Variants in FHIT observed in about 807,000 individuals in gnomAD.
The protein encoded by FHIT is fragile histidine triad diadenosine triphosphatase.
Under a neutral mutation model 17.9 loss-of-function variants are expected in FHIT, and 19 were observed. That is an observed-to-expected ratio of 1.06 (90% confidence interval 0.74 to 1.56). The LOEUF (loss-of-function observed/expected upper bound fraction) is 1.56. Among genes scored for constraint, FHIT ranks in the 40% most tolerant of loss-of-function variants. The pLI is 0.00. For missense variants in FHIT, 248 were observed against 189.2 expected (o/e 1.31, Z -1.82); for synonymous variants, 81 against 69.7 (o/e 1.16, Z -0.81).
intron 5 of FHIT, among the ~76,000 whole-genome samples, chr3:60,098,970 C>A (rs907682424): frequency 6.6e-6 from 1 of 152,068 alleles, no homozygotes; most frequent in Non-Finnish European, 1.5e-5. Flanking sequence ...TTACACTTGT[C>A]CTAACTTCTA....
Position 59,922,342 on chromosome 3 carries a change from C to T in FHIT, c.348+4G>A, listed in dbSNP as rs1362414772. On this transcript the variant is annotated splice_donor_region_variant and intron_variant, in intron 8 of 9. Coordinates refer to ENST00000492590, the MANE Select transcript of FHIT (RefSeq NM_002012.4). ...AACAATAAGATCAGAGAGAACAGAC[C>T]CACCTCCTCATAGATGCTGTCATTC... The T allele has an allele frequency of 6.2e-7, 1 of 1,612,126 alleles. No homozygotes were observed. Among genetic ancestry groups the T allele is most frequent in the South Asian group, 1.1e-5 (1 of 90,980 alleles).
intron 4 of FHIT, among the ~76,000 whole-genome samples, chr3:60,703,904 A>G (rs782381952): frequency 9.9e-5 from 15 of 152,114 alleles, no homozygotes; most frequent in Non-Finnish European, 2.1e-4. Flanking sequence ...TATTTTGCCT[A>G]TGGGAATAAT....
chr3:61,037,928 G>A (rs954714161), intron 3 of FHIT, among the ~76,000 whole-genome samples: 8 of 152,168 alleles, frequency 5.3e-5, no homozygotes, highest in African/African-American at 9.7e-5. Context: ...AAATTATTGC[G>A]TAGGACAAAT....
At chr3:60,560,626 C>A (rs2036902543) in intron 4 of FHIT, among the ~76,000 whole-genome samples, 1 of 152,072 alleles carries the variant, frequency 6.6e-6, no homozygotes, top group Non-Finnish European at 1.5e-5. Context: ...AAGAACCAGG[C>A]AGGCCTTATC....
chr3:60,722,783 C>G lies in FHIT; in HGVS notation c.-18+99136G>C, dbSNP rs540709407. Among the ~76,000 whole-genome samples the G allele has an allele frequency of 1.1e-4, 16 of 142,284 alleles. No homozygotes were observed. The South Asian group carries it at 1.8e-3, about 16-fold the overall frequency. 93.3% of individuals were successfully genotyped at this position (142,284 alleles called of 152,430 possible). A position where few individuals can be genotyped will look rare whatever the true frequency, so the allele number is the denominator to read the frequency against. On this transcript the variant is annotated intron_variant, in intron 4 of 9. Transcript: ENST00000492590. ...GCTGGAATGCAGTGGAATGCAGTGG[C>G]GCGATCTCGGCTCATTGCCACCTCT...
intron 5 of FHIT, among the ~76,000 whole-genome samples, chr3:60,016,991 T>C (rs1431596590): frequency 6.6e-6 from 1 of 152,184 alleles, no homozygotes; most frequent in African/African-American, 2.4e-5. Context: ...AATTAGAAAC[T>C]TGCCACACCA....
intron 4 of FHIT, among the ~76,000 whole-genome samples, chr3:60,596,798 C>G (rs189221049): frequency 6.6e-6 from 1 of 152,082 alleles, no homozygotes; most frequent in African/African-American, 2.4e-5. Flanking sequence ...CATAATACAA[C>G]GCCTAGCATG....
intron 1 of FHIT, among the ~76,000 whole-genome samples, chr3:61,222,054 C>T (rs768939702): frequency 5.9e-5 from 9 of 152,222 alleles, no homozygotes; most frequent in Non-Finnish European, 1.2e-4. Context: ...GGCCCAGCAA[C>T]GTCACTGCGG....
chr3:60,236,838 A>C, intron 5 of FHIT, among the ~76,000 whole-genome samples: 1 of 152,174 alleles, frequency 6.6e-6, no homozygotes, highest in East Asian at 1.9e-4. Context: ...CTTTATTATC[A>C]GTTTCAGATC....
chr3:59,847,589 C>G (rs1292145056), intron 8 of FHIT, among the ~76,000 whole-genome samples: 1 of 152,070 alleles, frequency 6.6e-6, no homozygotes, highest in Non-Finnish European at 1.5e-5. Context: ...AGCTCAGTGT[C>G]CATTGGTTTA....
intron 4 of FHIT, among the ~76,000 whole-genome samples, chr3:60,734,334 A>G (rs1308758380): frequency 2.0e-5 from 3 of 152,192 alleles, no homozygotes; most frequent in African/African-American, 7.2e-5. Context: ...TACACATACA[A>G]TTTATTATTC....
intron 5 of FHIT, among the ~76,000 whole-genome samples, chr3:60,147,002 T>A (rs1468387629): frequency 6.6e-6 from 1 of 152,110 alleles, no homozygotes; most frequent in Non-Finnish European, 1.5e-5. Context: ...AAATCGTACA[T>A]CTCCATTTTG....
intron 3 of FHIT, among the ~76,000 whole-genome samples, chr3:60,860,584 G>GTACATATA (rs1212076435): frequency 1.4e-5 from 1 of 69,906 alleles, no homozygotes; most frequent in African/African-American, 5.8e-5. Context: ...TGATACATAT[G>GTACATATA]TATCATATAT....
At chr3:60,531,513 C>T (rs936937148) in intron 5 of FHIT, among the ~76,000 whole-genome samples, 1 of 151,946 alleles carries the variant, frequency 6.6e-6, no homozygotes, top group Admixed American at 6.6e-5. Flanking sequence ...CTCCTGACCT[C>T]GTGATCCGCC....
At chr3:61,147,891 G>T (rs1165832956) in intron 2 of FHIT, among the ~76,000 whole-genome samples, 1 of 151,734 alleles carries the variant, frequency 6.6e-6, no homozygotes, top group Non-Finnish European at 1.5e-5. Context: ...TTATCATTTG[G>T]CCAGTATATT....
In FHIT at chr3:59,758,528, T is replaced by C. The variant is rs556901531; in HGVS notation, c.349-6207A>G. Among the ~76,000 whole-genome samples the C allele has an allele frequency of 2.3e-3, 357 of 152,290 alleles. 2 individuals carry two copies. The highest frequency in any genetic ancestry group is 4.3e-3 in the Non-Finnish European group (291 of 68,020). The stretch of plus-strand genomic sequence containing the variant: ...TGAGAGAAACTTATTCCCTTTTCAG[T>C]GATCTTTCAGTCCCTCTGACTGTTC... On this transcript the variant is annotated intron_variant, in intron 8 of 9. Transcript: ENST00000492590.
At chr3:60,839,655 C>A (rs1702650897) in intron 3 of FHIT, among the ~76,000 whole-genome samples, 1 of 152,162 alleles carries the variant, frequency 6.6e-6, no homozygotes, top group Non-Finnish European at 1.5e-5. Flanking sequence ...AATGCCCAGT[C>A]CCCAAAGACC....
At chr3:60,163,251 G>T (rs1031894007) in intron 5 of FHIT, among the ~76,000 whole-genome samples, 2 of 152,094 alleles carry the variant, frequency 1.3e-5, no homozygotes, top group Admixed American at 1.3e-4. Flanking sequence ...AGTTGTATCT[G>T]CCTCCAAAAT....
intron 5 of FHIT, among the ~76,000 whole-genome samples, chr3:60,192,173 C>A (rs1702429028): frequency 6.6e-6 from 1 of 151,512 alleles, no homozygotes; most frequent in Admixed American, 6.6e-5. Flanking sequence ...ATCGCTCGAG[C>A]CCGGGAGGCG....
Sources: allele counts gnomAD v4.1 joint callset (sites outside exome capture counted in the v4.1 genomes callset), GRCh38; gene constraint gnomAD v4.1.1; transcripts MANE v1.5; gene names NCBI Gene and HGNC (gene_info 2026-07-23, HGNC 2026-07-21).